Variants in CLYBL observed in about 807,000 individuals in gnomAD.
The protein encoded by CLYBL is citramalyl-CoA lyase, mitochondrial.
CLYBL carries 31 observed loss-of-function variants against 38.9 expected under a neutral mutation model. That is an observed-to-expected ratio of 0.80 (90% confidence interval 0.60 to 1.08). The LOEUF is 1.08. CLYBL is among the 50% of genes least tolerant of loss of function. The pLI is 0.00. For synonymous variants in CLYBL, 171 were observed against 158.6 expected (o/e 1.08, Z -0.59); for missense variants, 434 against 411.6 (o/e 1.05, Z -0.47).
chr13:99,677,663 C>T (rs1393615436), intron 1 of CLYBL, among the ~76,000 whole-genome samples: 2 of 152,168 alleles, frequency 1.3e-5, no homozygotes, highest in African/African-American at 4.8e-5. Flanking sequence ...GTATTTAGTT[C>T]ATGTCATTCA....
At chr13:99,627,513 G>A (rs567500379) in intron 1 of CLYBL, among the ~76,000 whole-genome samples, 191 of 152,192 alleles carry the variant, frequency 1.3e-3, no homozygotes, top group Admixed American at 2.8e-3. Flanking sequence ...TTCTGTGTGC[G>A]AGTTTTAAGT....
chr13:99,863,617 A>G (rs976812912), intron 4 of CLYBL, among the ~76,000 whole-genome samples: 3 of 152,244 alleles, frequency 2.0e-5, no homozygotes, highest in Admixed American at 2.0e-4. Context: ...CTTCTAATAT[A>G]CATGCGGGAA....
chr13:99,687,973 G>A (rs553147858), intron 1 of CLYBL, among the ~76,000 whole-genome samples: 73 of 152,274 alleles, frequency 4.8e-4, no homozygotes, highest in African/African-American at 1.7e-3. Flanking sequence ...GGGAGGAATG[G>A]GCCCAGATGG....
At chr13:99,782,449 G>A (rs1029212200) in intron 2 of CLYBL, among the ~76,000 whole-genome samples, 4 of 152,158 alleles carry the variant, frequency 2.6e-5, no homozygotes, top group Middle Eastern at 3.4e-3. Context: ...AGGTTGCTGC[G>A]AGCCAAGATC....
At chr13:99,607,055 G>A (rs1362725465) in intron 1 of CLYBL, among the ~76,000 whole-genome samples, 1 of 152,240 alleles carries the variant, frequency 6.6e-6, no homozygotes, top group Non-Finnish European at 1.5e-5. Flanking sequence ...AAACGTGAAC[G>A]CGCCAGTCTT....
chr13:99,759,360 G>A (rs2049124028), intron 1 of CLYBL, among the ~76,000 whole-genome samples: 1 of 152,220 alleles, frequency 6.6e-6, no homozygotes, highest in African/African-American at 2.4e-5. Flanking sequence ...TAAGGTTCAA[G>A]GATGGCAAAG....
At chr13:99,800,400 A>G (rs1266528699) in intron 2 of CLYBL, among the ~76,000 whole-genome samples, 1 of 152,172 alleles carries the variant, frequency 6.6e-6, no homozygotes, top group Non-Finnish European at 1.5e-5. Flanking sequence ...GGAGAGGCTG[A>G]TATGTCCAGG....
At chr13:99,675,357 A>G (rs183508890) in intron 1 of CLYBL, among the ~76,000 whole-genome samples, 1 of 152,318 alleles carries the variant, frequency 6.6e-6, no homozygotes, top group East Asian at 1.9e-4. Context: ...CTTTATTGAG[A>G]TATAATTTAC....
intron 7 of CLYBL, among the ~76,000 whole-genome samples, chr13:99,882,327 A>G (rs2052231101): frequency 6.6e-6 from 1 of 152,186 alleles, no homozygotes; most frequent in South Asian, 2.1e-4. Flanking sequence ...CTAAATAATC[A>G]TGCCTTCTGT....
At chr13:99,867,182 C>G (rs2051769079) in intron 6 of CLYBL, among the ~76,000 whole-genome samples, 1 of 152,206 alleles carries the variant, frequency 6.6e-6, no homozygotes, top group African/African-American at 2.4e-5. Flanking sequence ...ACACAGTGCA[C>G]TCCTTCACTC....
chr13:99,749,424 G>C (rs2048915149), intron 1 of CLYBL, among the ~76,000 whole-genome samples: 1 of 152,108 alleles, frequency 6.6e-6, no homozygotes, highest in African/African-American at 2.4e-5. Flanking sequence ...GAGTGGCCAG[G>C]GTAGACCAGG....
At chr13:99,699,166 A>C (rs1160731015) in intron 1 of CLYBL, among the ~76,000 whole-genome samples, 4 of 152,078 alleles carry the variant, frequency 2.6e-5, no homozygotes, top group Non-Finnish European at 1.5e-5. Context: ...TGAGCGGATC[A>C]CCTGAGGTCG....
chr13:99,817,046 C>G (rs1331116290), intron 2 of CLYBL, among the ~76,000 whole-genome samples: 1 of 152,162 alleles, frequency 6.6e-6, no homozygotes, highest in Non-Finnish European at 1.5e-5. Context: ...GGCTTTCACT[C>G]CTTCTTTCTC....
intron 1 of CLYBL, among the ~76,000 whole-genome samples, chr13:99,739,740 G>A (rs1176457369): frequency 6.6e-6 from 1 of 152,234 alleles, no homozygotes; most frequent in Non-Finnish European, 1.5e-5. Flanking sequence ...TTAGGAGGCC[G>A]AGGTGGGTGG....
intron 1 of CLYBL, among the ~76,000 whole-genome samples, chr13:99,738,215 A>C: frequency 6.6e-6 from 1 of 152,204 alleles, no homozygotes; most frequent in East Asian, 1.9e-4. Context: ...GAGTAAATTA[A>C]AGGCTCCTTG....
At chr13:99,664,246 A>T (rs4772228) in intron 1 of CLYBL, among the ~76,000 whole-genome samples, 151,252 of 152,370 alleles carry the variant, frequency 0.99, 75,084 homozygotes, top group Middle Eastern at 1. Context: ...CAGCAACTTT[A>T]AGGAAAATAA....
chr13:99,619,791 G>C (rs2046766834), intron 1 of CLYBL, among the ~76,000 whole-genome samples: 2 of 152,184 alleles, frequency 1.3e-5, no homozygotes, highest in Non-Finnish European at 2.9e-5. Flanking sequence ...TGACATTCCA[G>C]AGTCTAGAAA....
chr13:99,671,795 A>AAT (rs58223110), intron 1 of CLYBL, among the ~76,000 whole-genome samples: 1 of 147,004 alleles, frequency 6.8e-6, no homozygotes, highest in African/African-American at 2.5e-5. Context: ...AAAAAAAAAA[A>AAT]TAATAAAAGC....
chr13:99,753,151 G>T (rs1388333416), intron 1 of CLYBL, among the ~76,000 whole-genome samples: 2 of 152,136 alleles, frequency 1.3e-5, no homozygotes, highest in African/African-American at 4.8e-5. Context: ...GGAAGATGTG[G>T]TGTGTCAGGG....
Sources: gnomAD v4.1 joint callset for allele counts (sites outside exome capture counted in the v4.1 genomes callset) on GRCh38, gnomAD v4.1.1 for gene constraint, MANE v1.5 for transcripts, NCBI Gene and HGNC (gene_info 2026-07-23, HGNC 2026-07-21) for gene names.